LMCD1: variants seen among roughly 807,000 people sequenced by gnomAD.
The protein encoded by LMCD1 is LIM and cysteine-rich domains protein 1.
Under a neutral mutation model 42.7 loss-of-function variants are expected in LMCD1, and 32 were observed. The observed-to-expected ratio is 0.75, with a 90% CI of 0.57 to 1.01. The LOEUF (loss-of-function observed/expected upper bound fraction) is 1.01, where lower values mean the gene tolerates loss of function less well. Ranked by LOEUF, LMCD1 falls within the 50% of genes least tolerant of loss-of-function variation. The pLI is 0.00. For synonymous variants in LMCD1, 178 were observed against 184.9 expected, an observed-to-expected ratio of 0.96 and a Z score of 0.30; for missense variants, 458 against 483.1, an observed-to-expected ratio of 0.95 and a Z score of 0.49.
chr3:8,527,283 A>T (rs1276080530), intron 1 of LMCD1, among the ~76,000 whole-genome samples: 1 of 152,202 alleles, frequency 6.6e-6, no homozygotes, highest in Non-Finnish European at 1.5e-5. Context: ...AGGATACCCC[A>T]CCACCACTGC....
chr3:8,531,140 A>G (rs1201961533), intron 1 of LMCD1, among the ~76,000 whole-genome samples: 2 of 152,206 alleles, frequency 1.3e-5, no homozygotes, highest in African/African-American at 4.8e-5. Context: ...GGCAATGAGG[A>G]TGGCTTCACA....
chr3:8,552,369 C>T (rs1327464773), intron 4 of LMCD1, among the ~76,000 whole-genome samples: 2 of 152,140 alleles, frequency 1.3e-5, no homozygotes, highest in African/African-American at 4.8e-5. Context: ...GCTCAGGAGA[C>T]GTTAGAGTGA....
intron 4 of LMCD1, among the ~76,000 whole-genome samples, chr3:8,564,883 A>G (rs1695099110): frequency 6.6e-6 from 1 of 152,232 alleles, no homozygotes; most frequent in East Asian, 1.9e-4. Context: ...CATGCAAAAG[A>G]TGGGCTGCAG....
chr3:8,566,043 T>C (rs745464926), intron 5 of LMCD1, among the ~76,000 whole-genome samples: 1 of 152,196 alleles, frequency 6.6e-6, no homozygotes, highest in Non-Finnish European at 1.5e-5. Context: ...AAAATAGGGA[T>C]GAGACCAGCG....
intron 4 of LMCD1, among the ~76,000 whole-genome samples, chr3:8,561,871 C>T (rs77836259): frequency 2.3e-4 from 35 of 151,932 alleles, no homozygotes; most frequent in African/African-American, 7.7e-4. Context: ...TTTCCATCAT[C>T]ATCGGGGCTT....
Position 8,565,628 on chromosome 3 carries a change from G to A in LMCD1, c.920G>A (p.Arg307Gln). The A allele has an allele frequency of 1.9e-6, 3 of 1,605,362 alleles. No individual in the cohort carries two copies. The highest frequency in any genetic ancestry group is 2.6e-6 in the Non-Finnish European group (3 of 1,176,172). The change falls in exon 5 of 6, where the codon CGG (arginine) becomes CAG (glutamine). Residue 307 changes from arginine to glutamine, a missense_variant. By Grantham distance (43) the Arg-to-Gln change is conservative (BLOSUM62 1). Transcript: ENST00000157600. ...CATTACTGCGAGAGTCTGCGGCCCC[G>A]GTGCTCCGGCTGCGATGAGGTGGGA... is the stretch of plus-strand genomic sequence containing the variant. The part of the protein sequence containing the change: ...GRHYCESLRP[R>Q]CSGCDEIIFA...
intron 3 of LMCD1, among the ~76,000 whole-genome samples, chr3:8,544,331 C>G (rs971297954): frequency 3.9e-5 from 6 of 152,132 alleles, no homozygotes; most frequent in African/African-American, 9.7e-5. Context: ...TCCAGACACT[C>G]CACCACCCAG....
chr3:8,566,413 A>G (rs950294958), intron 5 of LMCD1, among the ~76,000 whole-genome samples: 9 of 152,096 alleles, frequency 5.9e-5, no homozygotes, highest in African/African-American at 2.2e-4. Context: ...ACCAACATCT[A>G]TTTTCTACCA....
At chr3:8,546,458 C>T (rs1192545249) in intron 3 of LMCD1, among the ~76,000 whole-genome samples, 7 of 152,150 alleles carry the variant, frequency 4.6e-5, no homozygotes, top group African/African-American at 1.2e-4. Flanking sequence ...GTTTACGATC[C>T]TCCTTTTTAC....
At chr3:8,550,526 C>T in intron 4 of LMCD1, 3 of 985,244 alleles carry the variant, frequency 3.0e-6, no homozygotes, top group South Asian at 9.4e-5. Context: ...CTCCAAGCCC[C>T]ATCTTATTAG....
intron 4 of LMCD1, among the ~76,000 whole-genome samples, chr3:8,553,454 C>G (rs1694874949): frequency 6.6e-6 from 1 of 152,208 alleles, no homozygotes; most frequent in African/African-American, 2.4e-5. Context: ...TCTGAGTGAG[C>G]CCAGATAACA....
chr3:8,565,235 T>C (rs1217165104), intron 4 of LMCD1, among the ~76,000 whole-genome samples, 197 bp from the exon 5 acceptor site: 1 of 152,204 alleles, frequency 6.6e-6, no homozygotes, highest in Non-Finnish European at 1.5e-5. Context: ...AATAACTTTA[T>C]TTAGTCCTCG....
At chr3:8,527,362 A>G (rs989729879) in intron 1 of LMCD1, among the ~76,000 whole-genome samples, 6 of 152,346 alleles carry the variant, frequency 3.9e-5, no homozygotes, top group South Asian at 2.1e-4. Context: ...ACTCAAGGTC[A>G]TTCATCATCT....
intron 3 of LMCD1, 174 bp downstream of exon 3, chr3:8,537,614 C>G: frequency 3.0e-6 from 2 of 663,554 alleles, no homozygotes; most frequent in East Asian, 5.6e-5. Flanking sequence ...GAAATGAAGA[C>G]TATCTGGGCC....
chr3:8,540,568 A>G (rs879753807), intron 3 of LMCD1, among the ~76,000 whole-genome samples: 1 of 152,206 alleles, frequency 6.6e-6, no homozygotes, highest in Non-Finnish European at 1.5e-5. Context: ...GCTCTTCCCT[A>G]CCAATCCAGG....
intron 4 of LMCD1, among the ~76,000 whole-genome samples, chr3:8,557,090 C>T (rs1460425709): frequency 2.6e-5 from 4 of 152,164 alleles, no homozygotes; most frequent in African/African-American, 9.7e-5. Context: ...ATGGCATGAA[C>T]CATGTTCCAA....
In LMCD1 at chr3:8,548,735, T is replaced by C; in HGVS notation, c.555T>C (p.Phe185=). 1.2e-6 allele frequency: 2 copies of C among 1,614,140 alleles called. No individual in the cohort carries two copies. The highest frequency in any genetic ancestry group is 1.7e-6 in the Non-Finnish European group (2 of 1,180,022). ...ATGAGTTGAAACTGATGGAAGAATT[T>C]GTCAAGCAATATAAGAGCGAGGCCC... ...LENELKLMEE[F]VKQYKSEALG... Residue 185 remains phenylalanine (F), a synonymous_variant, in exon 4 of 6, where the codon TTT becomes TTC. Coordinates refer to ENST00000157600, the MANE Select transcript of LMCD1 (RefSeq NM_014583.4).
At chr3:8,558,528 A>G (rs1694968638) in intron 4 of LMCD1, among the ~76,000 whole-genome samples, 1 of 152,226 alleles carries the variant, frequency 6.6e-6, no homozygotes, top group Non-Finnish European at 1.5e-5. Context: ...TCACATGACA[A>G]ATGTTGGAAA....
chr3:8,534,153 T>C, intron 2 of LMCD1, among the ~76,000 whole-genome samples: 1 of 151,992 alleles, frequency 6.6e-6, no homozygotes, highest in East Asian at 1.9e-4. Flanking sequence ...TGAAGACAGC[T>C]AGGACGTCTC....
Sources: gnomAD v4.1 joint callset for allele counts (sites outside exome capture counted in the v4.1 genomes callset) on GRCh38, gnomAD v4.1.1 for gene constraint, MANE v1.5 for transcripts, NCBI Gene and HGNC (gene_info 2026-07-23, HGNC 2026-07-21) for gene names.